The following LRRIQ1 variants were observed in gnomAD, a reference collection of about 807,000 sequenced individuals.
LRRIQ1 encodes leucine-rich repeat- and IQ domain-containing protein 1.
LRRIQ1 carries 210 observed loss-of-function variants against 211.9 expected under a neutral mutation model. The ratio of observed to expected loss-of-function variants is 0.99; its 90% CI spans 0.89 to 1.11. The LOEUF is 1.11. Ranked by LOEUF, LRRIQ1 falls within the 50% of genes most tolerant of loss-of-function variation. The pLI, the probability that LRRIQ1 is intolerant of heterozygous loss-of-function variation, is 0.00. For synonymous variants in LRRIQ1, 699 were observed against 650.1 expected, an observed-to-expected ratio of 1.08 and a Z score of -1.14; for missense variants, 2,136 against 1,939.5, an observed-to-expected ratio of 1.10 and a Z score of -1.90.
At chr12:85,185,484 G>A (rs1359679292) in intron 24 of LRRIQ1, among the ~76,000 whole-genome samples, 1 of 151,670 alleles carries the variant, frequency 6.6e-6, no homozygotes, top group Non-Finnish European at 1.5e-5. Context: ...TGAAAAATAT[G>A]TACAGAAATA....
chr12:85,220,886 C>T (rs1894370379), intron 24 of LRRIQ1, among the ~76,000 whole-genome samples: 1 of 148,862 alleles, frequency 6.7e-6, no homozygotes, highest in South Asian at 2.1e-4. Flanking sequence ...TGGCTCATTG[C>T]AAACCCCTCC....
chr12:85,269,343 G>A (rs11116763), downstream of LRRIQ1, among the ~76,000 whole-genome samples: 34,670 of 151,866 alleles, frequency 0.23, 10,241 homozygotes, highest in African/African-American at 0.69. Context: ...AATTATTGGT[G>A]TATTTTGAAA....
chr12:85,144,396 T>C (rs1889750751), intron 19 of LRRIQ1, among the ~76,000 whole-genome samples: 1 of 151,510 alleles, frequency 6.6e-6, no homozygotes, highest in Admixed American at 6.6e-5. Flanking sequence ...AAATAAGATA[T>C]TGAAAATTAC....
intron 15 of LRRIQ1, among the ~76,000 whole-genome samples, chr12:85,120,660 A>AC (rs1040017681): frequency 4.9e-4 from 75 of 151,546 alleles, no homozygotes; most frequent in South Asian, 6.3e-4. Flanking sequence ...CTATCCATGA[A>AC]CCCCCCCAGT....
At chr12:85,209,702 T>C (rs1312644661) in intron 24 of LRRIQ1, among the ~76,000 whole-genome samples, 20 of 152,300 alleles carry the variant, frequency 1.3e-4, no homozygotes, top group Non-Finnish European at 2.5e-4. Flanking sequence ...CTTAATATTT[T>C]GAGGTAGCTG....
At chr12:85,084,895 C>T (rs1173700872) in intron 11 of LRRIQ1, among the ~76,000 whole-genome samples, 1 of 150,104 alleles carries the variant, frequency 6.7e-6, no homozygotes, top group African/African-American at 2.5e-5. Context: ...CACTGCACTC[C>T]AGCCTGGGCA....
At chr12:85,164,327 T>A (rs1891045055) in intron 24 of LRRIQ1, among the ~76,000 whole-genome samples, 1 of 152,196 alleles carries the variant, frequency 6.6e-6, no homozygotes, top group African/African-American at 2.4e-5. Flanking sequence ...GAATCTTGTC[T>A]TTATCGTTTA....
At chr12:85,133,801 A>C (rs1592857224) in intron 18 of LRRIQ1, among the ~76,000 whole-genome samples, 1 of 152,144 alleles carries the variant, frequency 6.6e-6, no homozygotes, top group Admixed American at 6.6e-5. Flanking sequence ...CTTTTTGGGA[A>C]GAAGGAAGGT....
intron 17 of LRRIQ1, among the ~76,000 whole-genome samples, chr12:85,125,068 A>C (rs1763830666): frequency 6.6e-6 from 1 of 151,878 alleles, no homozygotes; most frequent in East Asian, 1.9e-4. Flanking sequence ...AGTCCCAGCT[A>C]CTTGGGAGGC....
chr12:85,189,965 A>G (rs973278409), intron 24 of LRRIQ1, among the ~76,000 whole-genome samples: 1 of 141,232 alleles, frequency 7.1e-6, no homozygotes, highest in African/African-American at 2.6e-5. Flanking sequence ...TTAATATGTA[A>G]CATATAGTAA....
chr12:85,154,148 C>A, intron 23 of LRRIQ1, 54 bp downstream of exon 23: 3 of 945,534 alleles, frequency 3.2e-6, no homozygotes, highest in African/African-American at 1.7e-5. Context: ...TTGAAGATAA[C>A]TTCTTTAAAA....
intron 1 of LRRIQ1, among the ~76,000 whole-genome samples, chr12:85,260,172 C>T (rs1896244748): frequency 6.8e-6 from 1 of 147,456 alleles, no homozygotes; most frequent in South Asian, 2.2e-4. Flanking sequence ...GAATAAAACC[C>T]TTTGCATGCC....
intron 7 of LRRIQ1, among the ~76,000 whole-genome samples, chr12:85,053,568 T>C (rs1224077184): frequency 1.3e-5 from 2 of 152,192 alleles, no homozygotes; most frequent in Non-Finnish European, 2.9e-5. Context: ...TGTTTATTAG[T>C]GTTCTTTGAA....
chr12:85,254,072 AT>A (rs1896020993), intron 1 of LRRIQ1, among the ~76,000 whole-genome samples: 1 of 151,978 alleles, frequency 6.6e-6, no homozygotes, highest in Non-Finnish European at 1.5e-5. Flanking sequence ...AGATCTGGTC[AT>A]TTGAAACTGT....
intron 19 of LRRIQ1, among the ~76,000 whole-genome samples, chr12:85,145,476 G>T (rs1436511799): frequency 6.6e-6 from 1 of 151,554 alleles, no homozygotes; most frequent in East Asian, 1.9e-4. Context: ...TAAGTGCCAA[G>T]AACTATGAGG....
At chr12:85,202,732 A>G (rs1349628267) in intron 24 of LRRIQ1, among the ~76,000 whole-genome samples, 1 of 152,130 alleles carries the variant, frequency 6.6e-6, no homozygotes, top group Non-Finnish European at 1.5e-5. Flanking sequence ...TTGCTTCTTT[A>G]TACAGCTTGC....
chr12:85,067,059 C>G (rs960433193), intron 10 of LRRIQ1, among the ~76,000 whole-genome samples, 161 bp downstream of exon 10: 1 of 151,802 alleles, frequency 6.6e-6, no homozygotes, highest in African/African-American at 2.4e-5. Flanking sequence ...CTTTTAATGT[C>G]TATAAAAGGA....
chr12:85,204,705 A>T (rs926261480), intron 24 of LRRIQ1, among the ~76,000 whole-genome samples: 3 of 145,348 alleles, frequency 2.1e-5, no homozygotes, highest in African/African-American at 8.5e-5. Flanking sequence ...CCCATTTGGA[A>T]TGATTGTATT....
chr12:85,070,308 G>C (rs553787355), intron 10 of LRRIQ1, among the ~76,000 whole-genome samples: 1 of 151,868 alleles, frequency 6.6e-6, no homozygotes, highest in Admixed American at 6.6e-5. Context: ...TATAAAGCTC[G>C]CCATCAACCT....
Sources: gnomAD v4.1 joint callset for allele counts (sites outside exome capture counted in the v4.1 genomes callset) on GRCh38, gnomAD v4.1.1 for gene constraint, MANE v1.5 for transcripts, NCBI Gene and HGNC (gene_info 2026-07-23, HGNC 2026-07-21) for gene names.